PCCB: variants seen among roughly 807,000 people sequenced by gnomAD.
PCCB encodes the protein propionyl-CoA carboxylase beta chain, mitochondrial.
A neutral mutation model predicts 60.7 loss-of-function variants in PCCB; 43 were observed. The observed-to-expected ratio is 0.71, with a 90% CI of 0.55 to 0.91. The LOEUF is 0.91. Ranked by LOEUF, PCCB falls within the 40% of genes least tolerant of loss-of-function variation. PCCB has a pLI of 0.00. For missense variants in PCCB, 766 were observed against 702.8 expected (o/e 1.09, Z -1.02); for synonymous variants, 276 against 255.9 (o/e 1.08, Z -0.75).
chr3:136,274,651 C>G (rs1942294928), intron 5 of PCCB, among the ~76,000 whole-genome samples: 1 of 152,140 alleles, frequency 6.6e-6, no homozygotes, highest in Non-Finnish European at 1.5e-5. Context: ...GAGCTTCTTG[C>G]ATTTGGATAT....
chr3:136,273,598 T>TTTTTTTTTC (rs1942261058), intron 5 of PCCB, among the ~76,000 whole-genome samples: 1 of 62,272 alleles, frequency 1.6e-5, no homozygotes, highest in Non-Finnish European at 3.7e-5. Flanking sequence ...TTCTTTTTTC[T>TTTTTTTTTC]TTTTTTTTTT....
At chr3:136,297,654 G>A (rs1933997009) in intron 7 of PCCB, among the ~76,000 whole-genome samples, 1 of 152,222 alleles carries the variant, frequency 6.6e-6, no homozygotes, top group Admixed American at 6.5e-5. Context: ...GGGATGGATA[G>A]TGAAGGATCT....
In PCCB at chr3:136,298,069, C is replaced by T; in HGVS notation, c.881C>T (p.Pro294Leu). ...GCTCCCGTCCGTGAGTGCCACGATCCCAGGTGGGTTGTAGGCCGGTGCACC... is the reference window on the plus strand; with the variant it reads ...GCTCCCGTCCGTGAGTGCCACGATCTCAGGTGGGTTGTAGGCCGGTGCACC... The part of the protein sequence containing the change: ...DPAPVRECHD[P>L]SDRLVPELDT... Residue 294 changes from proline (P) to leucine (L), a missense_variant, in exon 8 of 15, where the codon CCC (proline) becomes CTC (leucine). Coordinates refer to ENST00000251654, the MANE Select transcript of PCCB (RefSeq NM_000532.5). The T allele has an allele frequency of 6.2e-7, 1 of 1,614,072 alleles. No individual in the cohort carries two copies. The highest frequency in any genetic ancestry group is 8.5e-7 in the Non-Finnish European group (1 of 1,179,976).
intron 6 of PCCB, among the ~76,000 whole-genome samples, chr3:136,285,448 T>C (rs1477711683): frequency 6.6e-6 from 1 of 152,170 alleles, no homozygotes; most frequent in African/African-American, 2.4e-5. Context: ...AAACAAAAAC[T>C]GTCCTCTAGT....
At chr3:136,286,920 A>G (rs1480587180) in intron 6 of PCCB, among the ~76,000 whole-genome samples, 1 of 151,726 alleles carries the variant, frequency 6.6e-6, no homozygotes, top group Non-Finnish European at 1.5e-5. Flanking sequence ...AATACCAGCT[A>G]CTCGGGAGGC....
At chr3:136,296,716 A>G (rs1239985178) in intron 7 of PCCB, among the ~76,000 whole-genome samples, 1 of 152,262 alleles carries the variant, frequency 6.6e-6, no homozygotes, top group Admixed American at 6.5e-5. Flanking sequence ...TTTGAATGAA[A>G]GAATTCTGTC....
intron 5 of PCCB, among the ~76,000 whole-genome samples, chr3:136,273,898 G>T (rs1483975174): frequency 7.9e-6 from 1 of 127,168 alleles, no homozygotes; most frequent in Non-Finnish European, 1.6e-5. Flanking sequence ...GGTGACAGAG[G>T]GAGACTCTGT....
chr3:136,328,001 G>T (rs1322198815), intron 13 of PCCB, among the ~76,000 whole-genome samples: 2 of 152,136 alleles, frequency 1.3e-5, no homozygotes, highest in East Asian at 3.9e-4. Flanking sequence ...GAGGGGTCCA[G>T]AGTGGTTTTG....
At chr3:136,306,810 C>T (rs928973057) in intron 9 of PCCB, among the ~76,000 whole-genome samples, 3 of 122,334 alleles carry the variant, frequency 2.5e-5, no homozygotes, top group African/African-American at 7.5e-5. Flanking sequence ...ACCAGTAGAA[C>T]AGACTTAATA....
At chr3:136,262,330 A>G (rs1322980906) in intron 5 of PCCB, among the ~76,000 whole-genome samples, 1 of 152,242 alleles carries the variant, frequency 6.6e-6, no homozygotes, top group Non-Finnish European at 1.5e-5. Flanking sequence ...AAAGCACTTG[A>G]AAATGTTTTT....
At chr3:136,316,751 C>T (rs916489826) in intron 9 of PCCB, among the ~76,000 whole-genome samples, 190 bp from the exon 10 acceptor site, 1 of 152,074 alleles carries the variant, frequency 6.6e-6, no homozygotes, top group Non-Finnish European at 1.5e-5. Flanking sequence ...GTTTTCCACA[C>T]CATTTCTCCC....
chr3:136,305,135 C>T lies in PCCB; in HGVS notation c.966+4024C>T, dbSNP rs141081297. 7.8e-3 allele frequency among the ~76,000 whole-genome samples: 940 copies of T among 120,880 alleles called. 268 individuals carry two copies. The highest frequency in any genetic ancestry group is 0.015 in the Admixed American group (155 of 10,058). 79.3% of individuals were successfully genotyped at this position (120,880 alleles called of 152,430 possible). On this transcript the variant is annotated intron_variant, in intron 9 of 14. Transcript: ENST00000251654. Reference sequence around the variant, plus strand: ...TTTGAGACAGAGTCTAACTCTGTTGCCCAGGCCAGTGTGCAGTGGCGAGAT... The same window carrying T: ...TTTGAGACAGAGTCTAACTCTGTTGTCCAGGCCAGTGTGCAGTGGCGAGAT...
intron 6 of PCCB, among the ~76,000 whole-genome samples, chr3:136,289,619 A>G (rs895938543): frequency 1.3e-5 from 2 of 152,102 alleles, no homozygotes; most frequent in South Asian, 2.1e-4. Context: ...CATTTAGACC[A>G]TTGACATTCA....
intron 9 of PCCB, among the ~76,000 whole-genome samples, chr3:136,308,742 A>G (rs1401015245): frequency 2.0e-5 from 3 of 152,242 alleles, no homozygotes; most frequent in African/African-American, 7.2e-5. Context: ...CTGTGAAACA[A>G]CATTGCTTAA....
intron 5 of PCCB, among the ~76,000 whole-genome samples, chr3:136,283,186 T>G (rs1576326017): frequency 1.3e-5 from 2 of 152,290 alleles, no homozygotes; most frequent in South Asian, 4.1e-4. Context: ...GGGCAAAGAA[T>G]AATTGGGCCT....
intron 9 of PCCB, among the ~76,000 whole-genome samples, chr3:136,311,039 A>G (rs907324030): frequency 1.3e-5 from 2 of 152,130 alleles, no homozygotes; most frequent in African/African-American, 4.8e-5. Context: ...TATTCCCATT[A>G]TTATTTAACA....
rs756414710 is a variant in PCCB, at chr3:136,293,834, G to A, written c.733G>A (p.Gly245Ser). Reference sequence around the variant, plus strand: ...TGAGGATGTTACCCAGGAGGAGCTCGGTGGTGCCAAGACCCACACCACCAT... The same window carrying A: ...TGAGGATGTTACCCAGGAGGAGCTCAGTGGTGCCAAGACCCACACCACCAT... ...TNEDVTQEEL[G>S]GAKTHTTMSG... is the part of the protein sequence containing the mutation. Residue 245 changes from glycine to serine, a missense_variant, in exon 7 of 15, where the codon GGT becomes AGT. Transcript: ENST00000251654. 4.3e-6 allele frequency: 7 copies of A among 1,611,278 alleles called. No homozygotes were observed. The highest frequency in any genetic ancestry group is 2.7e-5 in the African/African-American group (2 of 74,852).
chr3:136,291,976 G>A (rs773338151), intron 6 of PCCB, among the ~76,000 whole-genome samples: 6 of 152,076 alleles, frequency 3.9e-5, no homozygotes, highest in South Asian at 2.1e-4. Context: ...CTATAGTTCC[G>A]GTTTTCCTAC....
At chr3:136,321,033 G>T (rs1221269663) in intron 10 of PCCB, among the ~76,000 whole-genome samples, 2 of 152,204 alleles carry the variant, frequency 1.3e-5, no homozygotes, top group Non-Finnish European at 2.9e-5. Flanking sequence ...ATGAAAGGGT[G>T]TTGGATTTTG....
Sources: allele counts gnomAD v4.1 joint callset (sites outside exome capture counted in the v4.1 genomes callset), GRCh38; gene constraint gnomAD v4.1.1; transcripts MANE v1.5; gene names NCBI Gene and HGNC (gene_info 2026-07-23, HGNC 2026-07-21).